Variants in OSBPL10 observed in about 807,000 individuals in gnomAD.
The protein encoded by OSBPL10 is oxysterol binding protein like 10, also known as oxysterol-binding protein-related protein 10.
A neutral mutation model predicts 81.7 loss-of-function variants in OSBPL10; 49 were observed. The ratio of observed to expected loss-of-function variants is 0.60; its 90% CI spans 0.48 to 0.76. OSBPL10 has a LOEUF of 0.76. Among genes scored for constraint, OSBPL10 ranks in the 30% least tolerant of loss-of-function variants. The pLI, the probability that OSBPL10 is intolerant of heterozygous loss-of-function variation, is 0.00. For missense variants in OSBPL10, 923 were observed against 987.8 expected (o/e 0.93, Z 0.88); for synonymous variants, 419 against 383.6 (o/e 1.09, Z -1.08).
intron 2 of OSBPL10, among the ~76,000 whole-genome samples, chr3:31,997,335 G>A (rs9861859): frequency 0.012 from 1,825 of 151,406 alleles, 33 homozygotes; most frequent in African/African-American, 0.042. Context: ...TGCGATTTCG[G>A]CTCACTGCAA....
chr3:31,934,946 G>C (rs1697345093), intron 1 of OSBPL10, among the ~76,000 whole-genome samples: 1 of 152,142 alleles, frequency 6.6e-6, no homozygotes, highest in African/African-American at 2.4e-5. Flanking sequence ...GAAACTCCAA[G>C]GCTGGTAGAG....
chr3:31,970,586 TA>T (rs35887645), intron 1 of OSBPL10, among the ~76,000 whole-genome samples: 1 of 152,224 alleles, frequency 6.6e-6, no homozygotes, highest in Admixed American at 6.5e-5. Flanking sequence ...TGCATCCAGC[TA>T]AAAACTGGGG....
chr3:31,968,326 G>GAAAGGAAGCAAAAACAAA (rs1255518142), intron 1 of OSBPL10, among the ~76,000 whole-genome samples: 1 of 151,718 alleles, frequency 6.6e-6, no homozygotes, highest in Non-Finnish European at 1.5e-5. Context: ...CTTAAACTAA[G>GAAAGGAAGCAAAAACAAA]AAAGGAAGCA....
Position 32,024,989 on chromosome 3 carries a change from T to C in OSBPL10, n.298+21502A>G, listed in dbSNP as rs1699391213. Among the ~76,000 whole-genome samples, 4 of 152,216 alleles carry C rather than the reference T, an allele frequency of 2.6e-5. No homozygotes were observed. The South Asian group carries it at 8.3e-4, about 31-fold the overall frequency. On this transcript the variant is annotated intron_variant and non_coding_transcript_variant, in intron 2 of 3. Coordinates refer to the OSBPL10 transcript ENST00000479173. ...TCTTTTGCAACATGGATGTCTTTTT[T>C]ATTTTTGGCCTCATTATACTGGCTA...
At chr3:31,684,709 A>T (rs1352585228) in intron 7 of OSBPL10, among the ~76,000 whole-genome samples, 4 of 152,234 alleles carry the variant, frequency 2.6e-5, no homozygotes, top group African/African-American at 9.6e-5. Flanking sequence ...CAGCTCCAGG[A>T]CGGGGCAGGC....
intron 1 of OSBPL10, among the ~76,000 whole-genome samples, chr3:32,072,309 G>A (rs549824716): frequency 2.6e-5 from 4 of 152,278 alleles, no homozygotes; most frequent in African/African-American, 9.6e-5. Context: ...AGATCCCATT[G>A]CTCAGGGCAA....
At position 31,737,923 on chromosome 3, in the gene OSBPL10, C is replaced by A. The variant is rs182280521; in HGVS notation, c.941-4512G>T. Among the ~76,000 whole-genome samples, 570 of 151,322 alleles carry A rather than the reference C, an allele frequency of 3.8e-3. 2 individuals carry two copies. The highest frequency in any genetic ancestry group is 0.01 in the Middle Eastern group (3 of 292). On this transcript the variant is annotated intron_variant, in intron 5 of 11. Transcript: ENST00000396556. ...ACGAGAATCACTTGAACCCGGGAGG[C>A]AGAGGTTGCAGTGAGCCGAGATCAT...
chr3:32,026,191 G>A (rs1382742563), intron 2 of OSBPL10, among the ~76,000 whole-genome samples: 2 of 152,108 alleles, frequency 1.3e-5, no homozygotes, highest in African/African-American at 2.4e-5. Flanking sequence ...AAGCTGGGGT[G>A]CAATGTCACA....
intron 2 of OSBPL10, among the ~76,000 whole-genome samples, chr3:32,045,233 C>T (rs759864676): frequency 1.3e-5 from 2 of 152,154 alleles, no homozygotes; most frequent in Non-Finnish European, 2.9e-5. Flanking sequence ...AGGCATTCTA[C>T]CAGGAAGCAT....
chr3:32,047,405 T>C, intron 1 of OSBPL10, among the ~76,000 whole-genome samples: 1 of 152,152 alleles, frequency 6.6e-6, no homozygotes, highest in East Asian at 1.9e-4. Flanking sequence ...AAGCGGTGGA[T>C]TATTCACGAG....
At chr3:31,852,712 G>T (rs1191194994) in intron 3 of OSBPL10, among the ~76,000 whole-genome samples, 1 of 152,020 alleles carries the variant, frequency 6.6e-6, no homozygotes, top group Non-Finnish European at 1.5e-5. Flanking sequence ...CCAAGTAAGT[G>T]AGACTACAGG....
intron 2 of OSBPL10, among the ~76,000 whole-genome samples, chr3:32,037,245 A>G (rs903678363): frequency 1.3e-5 from 2 of 152,336 alleles, no homozygotes; most frequent in South Asian, 2.1e-4. Flanking sequence ...GCCTTCTGTG[A>G]CTGCACTGCC....
chr3:32,064,929 A>T lies in OSBPL10; in HGVS notation n.185+12467T>A, dbSNP rs1559557227. The stretch of plus-strand genomic sequence containing the variant: ...TCTCCTTTTTCTTCTTCTTAGGTAA[A>T]ACATGACTATTTGCAGATTTCTGAA... On this transcript the variant is annotated intron_variant and non_coding_transcript_variant, in intron 1 of 3. Transcript: ENST00000479173. The T allele has an allele frequency of 2.2e-5, 2 of 92,784 alleles. 1 individual carries two copies. The highest frequency in any genetic ancestry group is 2.6e-4 in the Admixed American group (2 of 7,712). The allele number at this position is 92,784 out of a possible 1,614,324, so 5.7% of individuals were successfully genotyped here.
intron 1 of OSBPL10, among the ~76,000 whole-genome samples, chr3:31,883,542 G>GTTTTT (rs59059225): frequency 7.2e-6 from 1 of 138,910 alleles, no homozygotes; most frequent in Non-Finnish European, 1.5e-5. Context: ...TTTTTTTGTT[G>GTTTTT]TTTTTTTTTT....
intron 1 of OSBPL10, among the ~76,000 whole-genome samples, chr3:31,930,580 AATG>A (rs1161447262): frequency 6.6e-6 from 1 of 152,224 alleles, no homozygotes; most frequent in Non-Finnish European, 1.5e-5. Flanking sequence ...TCCATAGCAG[AATG>A]ATGAATGAAT....
At chr3:31,851,679 G>T (rs1700770218) in intron 3 of OSBPL10, among the ~76,000 whole-genome samples, 1 of 152,204 alleles carries the variant, frequency 6.6e-6, no homozygotes, top group Non-Finnish European at 1.5e-5. Flanking sequence ...CGAAAGATGT[G>T]ATTTGCTTCT....
chr3:31,950,838 G>A (rs372994733), intron 1 of OSBPL10, among the ~76,000 whole-genome samples: 14 of 152,194 alleles, frequency 9.2e-5, no homozygotes, highest in African/African-American at 3.1e-4. Flanking sequence ...GCTCCCTCTC[G>A]CCATGTGACA....
intron 1 of OSBPL10, among the ~76,000 whole-genome samples, chr3:31,963,856 C>A (rs754422418): frequency 6.6e-6 from 1 of 151,108 alleles, no homozygotes; most frequent in Non-Finnish European, 1.5e-5. Context: ...TTTTTTTAAT[C>A]TCAAGGTCCT....
At chr3:32,019,172 T>C (rs72855523) in intron 2 of OSBPL10, among the ~76,000 whole-genome samples, 8,015 of 152,188 alleles carry the variant, frequency 0.053, 553 homozygotes, top group African/African-American at 0.16. Flanking sequence ...CAATTGGAGC[T>C]CTCCAAAATC....
Sources: allele counts gnomAD v4.1 joint callset (sites outside exome capture counted in the v4.1 genomes callset), GRCh38; gene constraint gnomAD v4.1.1; transcripts MANE v1.5; gene names NCBI Gene and HGNC (gene_info 2026-07-23, HGNC 2026-07-21).